Variants in MACROD2 observed in about 807,000 individuals in gnomAD.
MACROD2 encodes the protein mono-ADP ribosylhydrolase 2, also known as ADP-ribose glycohydrolase MACROD2.
MACROD2 carries 36 observed loss-of-function variants against 70.4 expected under a neutral mutation model. That is an observed-to-expected ratio of 0.51 (90% CI 0.39 to 0.68). The LOEUF is 0.68. MACROD2 is among the 30% of genes least tolerant of loss of function. MACROD2 has a pLI of 0.00. For synonymous variants in MACROD2, 172 were observed against 178.8 expected (o/e 0.96, Z 0.30); for missense variants, 496 against 538.4 (o/e 0.92, Z 0.78).
chr20:16,049,272 T>C (rs1408664168), intron 17 of MACROD2, among the ~76,000 whole-genome samples: 4 of 152,076 alleles, frequency 2.6e-5, no homozygotes, highest in Non-Finnish European at 5.9e-5. Context: ...GATCTGTGTG[T>C]TTTCCTGTAG....
At chr20:14,046,364 A>C (rs11905038) in intron 2 of MACROD2, among the ~76,000 whole-genome samples, 4 of 152,170 alleles carry the variant, frequency 2.6e-5, no homozygotes, top group African/African-American at 9.7e-5. Flanking sequence ...TTTGAAATAG[A>C]TTTTTCAGAC....
At chr20:15,090,829 G>A (rs1285420843) in intron 5 of MACROD2, among the ~76,000 whole-genome samples, 3 of 152,012 alleles carry the variant, frequency 2.0e-5, no homozygotes, top group South Asian at 4.1e-4. Context: ...TGAAGTGGAC[G>A]GAGATTCTAG....
At chr20:14,037,669 A>G (rs1486773328) in intron 2 of MACROD2, among the ~76,000 whole-genome samples, 1 of 151,906 alleles carries the variant, frequency 6.6e-6, no homozygotes, top group African/African-American at 2.4e-5. Context: ...GTAACCATGG[A>G]GCTAAGGATT....
intron 5 of MACROD2, among the ~76,000 whole-genome samples, chr20:14,989,601 A>T (rs1600915909): frequency 6.6e-6 from 1 of 152,256 alleles, no homozygotes; most frequent in East Asian, 1.9e-4. Flanking sequence ...AGATTCCTGG[A>T]ACAAGGTGGA....
intron 5 of MACROD2, among the ~76,000 whole-genome samples, chr20:14,911,060 T>C (rs1432729461): frequency 6.6e-6 from 1 of 152,212 alleles, no homozygotes; most frequent in Non-Finnish European, 1.5e-5. Context: ...TCAAAACTCA[T>C]TGAAGAGGGC....
chr20:15,932,414 C>A (rs1314641876), intron 10 of MACROD2, among the ~76,000 whole-genome samples: 1 of 152,192 alleles, frequency 6.6e-6, no homozygotes, highest in South Asian at 2.1e-4. Flanking sequence ...ATGGGCTCCA[C>A]TCCTTCAGAG....
At chr20:15,010,479 C>T (rs1476359243) in intron 5 of MACROD2, among the ~76,000 whole-genome samples, 3 of 152,182 alleles carry the variant, frequency 2.0e-5, no homozygotes, top group African/African-American at 7.2e-5. Flanking sequence ...ATGTACAGTT[C>T]AGGTCATTTA....
chr20:15,946,444 A>G (rs1193339885), intron 12 of MACROD2, among the ~76,000 whole-genome samples: 1 of 152,124 alleles, frequency 6.6e-6, no homozygotes, highest in Non-Finnish European at 1.5e-5. Context: ...GGGGTGGTGC[A>G]TGCATATTTT....
chr20:15,732,816 T>TA (rs915783744), intron 8 of MACROD2, among the ~76,000 whole-genome samples: 2 of 151,836 alleles, frequency 1.3e-5, no homozygotes, highest in Non-Finnish European at 2.9e-5. Context: ...TGGAATAAGT[T>TA]AGGAGGTATT....
intron 5 of MACROD2, among the ~76,000 whole-genome samples, chr20:14,791,762 A>C (rs945019253): frequency 1.3e-5 from 2 of 152,050 alleles, no homozygotes; most frequent in African/African-American, 4.8e-5. Context: ...TGGTATAATA[A>C]AGCCTTTCAA....
In MACROD2 at chr20:15,967,715, A is replaced by T. The variant is rs2066165538; in HGVS notation, c.985+85A>T. ...AAAAAAAAAAAACCCACAGACTTGA[A>T]TTTTTCTGGAAAAATATTGAATTCC... On this transcript the variant is annotated intron_variant, in intron 13 of 17. Transcript: ENST00000684519. 2.5e-6 allele frequency: 3 copies of T among 1,192,720 alleles called. No individual in the cohort carries two copies. The East Asian group carries it at 7.5e-5, about 30-fold the overall frequency. 73.9% of individuals were successfully genotyped at this position (1,192,720 alleles called of 1,614,324 possible).
intron 5 of MACROD2, among the ~76,000 whole-genome samples, chr20:14,855,938 A>G (rs918104587): frequency 2.0e-5 from 3 of 152,102 alleles, no homozygotes; most frequent in African/African-American, 7.2e-5. Flanking sequence ...AACCCTTAAC[A>G]TTTTAAAATG....
At chr20:15,126,266 G>A (rs1028001033) in intron 5 of MACROD2, among the ~76,000 whole-genome samples, 29 of 151,712 alleles carry the variant, frequency 1.9e-4, no homozygotes, top group Non-Finnish European at 3.8e-4. Flanking sequence ...AATTTTACAA[G>A]GAACCACTAA....
Position 14,079,737 on chromosome 20 carries a change from G to A in MACROD2, c.164-5884G>A, listed in dbSNP as rs2053964602. On this transcript the variant is annotated intron_variant, in intron 2 of 17. Transcript: ENST00000684519. ...ATGTCATATTTGAGAATGATGCATT[G>A]AATCAGATACGTCCAGACAGTTTTA... Among the ~76,000 whole-genome samples the A allele has an allele frequency of 3.3e-5, 5 of 152,186 alleles. No homozygotes were observed. The South Asian group carries it at 8.3e-4, about 25-fold the overall frequency.
At chr20:15,562,809 G>A (rs925642711) in intron 8 of MACROD2, among the ~76,000 whole-genome samples, 3 of 152,162 alleles carry the variant, frequency 2.0e-5, no homozygotes, top group African/African-American at 7.2e-5. Context: ...TTTGAATTGT[G>A]TTGAGTAAAA....
chr20:14,257,306 A>G (rs1034304953), intron 3 of MACROD2, among the ~76,000 whole-genome samples: 3 of 152,144 alleles, frequency 2.0e-5, no homozygotes. Flanking sequence ...CCTGAGGAAA[A>G]AACCATTAAT....
chr20:15,315,629 G>T (rs2077801348), intron 6 of MACROD2, among the ~76,000 whole-genome samples: 1 of 152,114 alleles, frequency 6.6e-6, no homozygotes, highest in Non-Finnish European at 1.5e-5. Flanking sequence ...GAGAAATTAA[G>T]ACATTTACAG....
chr20:15,357,867 C>T (rs922595779), intron 6 of MACROD2, among the ~76,000 whole-genome samples: 1 of 147,968 alleles, frequency 6.8e-6, no homozygotes, highest in Non-Finnish European at 1.5e-5. Flanking sequence ...AGTGCAGTGG[C>T]GCGATCTCAG....
intron 5 of MACROD2, among the ~76,000 whole-genome samples, chr20:15,218,839 A>G (rs2076832967): frequency 6.6e-6 from 1 of 150,988 alleles, no homozygotes; most frequent in Non-Finnish European, 1.5e-5. Flanking sequence ...AGGTCAGGAG[A>G]TCAACACCAT....
Sources: gnomAD v4.1 joint callset for allele counts (sites outside exome capture counted in the v4.1 genomes callset) on GRCh38, gnomAD v4.1.1 for gene constraint, MANE v1.5 for transcripts, NCBI Gene and HGNC (gene_info 2026-07-23, HGNC 2026-07-21) for gene names.